DHX15: variants seen among roughly 807,000 people sequenced by gnomAD.
The protein encoded by DHX15 is ATP-dependent RNA helicase DHX15.
Under a neutral mutation model 94.4 loss-of-function variants are expected in DHX15, and 11 were observed. That is an observed-to-expected ratio of 0.12 (90% CI 0.07 to 0.19). The LOEUF is 0.19. Among genes scored for constraint, DHX15 ranks in the 10% least tolerant of loss-of-function variants. DHX15 has a pLI of 1.00. For synonymous variants in DHX15, 338 were observed against 329.9 expected, an observed-to-expected ratio of 1.02 and a Z score of -0.27; for missense variants, 304 against 988.5, an observed-to-expected ratio of 0.31 and a Z score of 9.29.
At chr4:24,538,616 C>T (rs1721241397) in intron 10 of DHX15, 1 of 152,122 alleles carries the variant, frequency 6.6e-6, no homozygotes, top group African/African-American at 2.4e-5. Flanking sequence ...TCTTACTTGC[C>T]TCTTATTTCA....
Position 24,537,032 on chromosome 4 carries a change from C to T in DHX15, c.1909+19G>A. On this transcript the variant is annotated intron_variant, in intron 11 of 13. Coordinates refer to ENST00000336812, the MANE Select transcript of DHX15 (RefSeq NM_001358.3). This position sits in a 1 kb window ranked among gnomAD's most constrained non-coding sequence, Gnocchi z 4.7. ...AGTGACATTTAGACAAGAGTGTCTCCAATCAAATTTACACTTACTTTGTTT... is the reference window on the plus strand; with the variant it reads ...AGTGACATTTAGACAAGAGTGTCTCTAATCAAATTTACACTTACTTTGTTT... 6.2e-7 allele frequency: 1 copy of T among 1,609,176 alleles called. No individual in the cohort carries two copies. Among genetic ancestry groups the T allele is most frequent in the African/African-American group, 1.3e-5 (1 of 74,868 alleles).
At chr4:24,550,923 G>GTAATGTGTTGTGCTGTGATGCTGCTGTAA (rs1721588536) in intron 5 of DHX15, among the ~76,000 whole-genome samples, 2 of 152,220 alleles carry the variant, frequency 1.3e-5, no homozygotes, top group South Asian at 2.1e-4. Context: ...TCACAAAGCA[G>GTAATGTGTTGTGCTGTGATGCTGCTGTAA]TGAGTAATGT....
intron 7 of DHX15, among the ~76,000 whole-genome samples, chr4:24,542,734 A>AG (rs1383861329): frequency 6.6e-6 from 1 of 152,150 alleles, no homozygotes. Context: ...CAACTCTAAA[A>AG]GAAAAAAAAG....
At chr4:24,569,310 C>T (rs555037422) in intron 3 of DHX15, among the ~76,000 whole-genome samples, 44 of 152,132 alleles carry the variant, frequency 2.9e-4, no homozygotes, top group African/African-American at 9.4e-4. Context: ...TCAATTTCTG[C>T]GGCTGGGTGT....
Position 24,551,511 on chromosome 4 carries a change from G to A in DHX15, c.1081-2489C>T, listed in dbSNP as rs533258095. Among the ~76,000 whole-genome samples the A allele has an allele frequency of 3.9e-5, 6 of 151,946 alleles. No homozygotes were observed. In the South Asian group the frequency reaches 1.0e-3, roughly 26 times the overall value. On this transcript the variant is annotated intron_variant, in intron 5 of 13. Transcript: ENST00000336812. Reference sequence around the variant, plus strand: ...TATCTGTCTCAAAAATTGTGACACAGAAAACTATTAAAGATTCAATGTTAC... The same window carrying A: ...TATCTGTCTCAAAAATTGTGACACAAAAAACTATTAAAGATTCAATGTTAC...
chr4:24,579,804 T>A (rs1300488620), intron 1 of DHX15, among the ~76,000 whole-genome samples: 1 of 152,226 alleles, frequency 6.6e-6, no homozygotes, highest in Non-Finnish European at 1.5e-5. Flanking sequence ...TCTTGCTCTG[T>A]CACCAGGCTG....
At chr4:24,531,213 C>A (rs548632716) in intron 12 of DHX15, among the ~76,000 whole-genome samples, 1 of 151,976 alleles carries the variant, frequency 6.6e-6, no homozygotes, top group African/African-American at 2.4e-5. Context: ...CTCAGCCTCC[C>A]GAGTAGCTGG....
intron 6 of DHX15, among the ~76,000 whole-genome samples, chr4:24,544,093 A>G (rs1721374066): frequency 6.6e-6 from 1 of 152,184 alleles, no homozygotes; most frequent in African/African-American, 2.4e-5. Flanking sequence ...CTCATGAGAG[A>G]AGGAAACAGC....
rs147765290 is a variant in DHX15 at position 24,570,246 on chromosome 4, T to C, written c.701+408A>G. Reference sequence around the variant, plus strand: ...CACGGTAATAGCTGCATAATTAACATTAAAAGTCCCCTCTCCCCTAAATAA... The same window carrying C: ...CACGGTAATAGCTGCATAATTAACACTAAAAGTCCCCTCTCCCCTAAATAA... On this transcript the variant is annotated intron_variant, in intron 3 of 13. Transcript: ENST00000336812. Among the ~76,000 whole-genome samples the C allele has an allele frequency of 5.9e-4, 90 of 152,282 alleles. 1 individual carries two copies. Among genetic ancestry groups the C allele is most frequent in the African/African-American group, 1.9e-3 (78 of 41,552 alleles).
intron 11 of DHX15, among the ~76,000 whole-genome samples, 193 bp downstream of exon 11, chr4:24,536,858 G>A (rs1037656980): frequency 2.0e-5 from 3 of 151,870 alleles, no homozygotes; most frequent in African/African-American, 7.3e-5. Context: ...TTTATCCCCT[G>A]ATTATAAACA....
intron 6 of DHX15, among the ~76,000 whole-genome samples, chr4:24,544,100 C>G (rs950642064): frequency 6.6e-6 from 1 of 152,034 alleles, no homozygotes; most frequent in African/African-American, 2.4e-5. Context: ...GAGAAGGAAA[C>G]AGCACTAGCA....
intron 9 of DHX15, 81 bp from the exon 10 acceptor site, chr4:24,540,380 C>CTCATTTT (rs1721284431): frequency 8.1e-7 from 1 of 1,239,654 alleles, no homozygotes; most frequent in Admixed American, 2.5e-5. Context: ...TATAAGCAAT[C>CTCATTTT]TCATTTTTCA....
At chr4:24,572,464 C>T (rs939167274) in intron 2 of DHX15, among the ~76,000 whole-genome samples, 4 of 152,032 alleles carry the variant, frequency 2.6e-5, no homozygotes, top group African/African-American at 9.7e-5. Flanking sequence ...TAATTCACTC[C>T]GCTAAAATCA....
chr4:24,563,381 C>T (rs1001290178), intron 3 of DHX15: 3 of 152,196 alleles, frequency 2.0e-5, no homozygotes, highest in South Asian at 4.1e-4. Context: ...CACTACATCC[C>T]GGAACTCTTG....
intron 11 of DHX15, among the ~76,000 whole-genome samples, chr4:24,535,766 C>T (rs1157121898): frequency 6.6e-6 from 1 of 152,106 alleles, no homozygotes; most frequent in Non-Finnish European, 1.5e-5. Flanking sequence ...TTCTGGACCC[C>T]AAGACAAATA....
chr4:24,563,043 A>G (rs1423537589), intron 3 of DHX15: 1 of 152,118 alleles, frequency 6.6e-6, no homozygotes, highest in African/African-American at 2.4e-5. Flanking sequence ...TAATGTTAAC[A>G]ATAAATGAAC....
chr4:24,544,535 ACT>A (rs1227262033), intron 6 of DHX15, among the ~76,000 whole-genome samples: 1 of 152,234 alleles, frequency 6.6e-6, no homozygotes, highest in Admixed American at 6.5e-5. Context: ...ATAATCAGCA[ACT>A]AGAACTGAAG....
At position 24,537,008 on chromosome 4, in the gene DHX15, G is replaced by A. The variant is rs1361811222; in HGVS notation, c.1909+43C>T. On this transcript the variant is annotated intron_variant, in intron 11 of 13. Transcript: ENST00000336812. The surrounding 1 kb of genome is among the most constrained non-coding windows in gnomAD (Gnocchi z 4.7). ...CAAAGAAACATCTTATACACTGCAA[G>A]TGACATTTAGACAAGAGTGTCTCCA... 5.0e-6 allele frequency: 8 copies of A among 1,594,206 alleles called. No homozygotes were observed. Among genetic ancestry groups the A allele is most frequent in the Non-Finnish European group, 6.8e-6 (8 of 1,169,230 alleles).
chr4:24,549,167 A>T (rs1045669600), intron 5 of DHX15, 145 bp from the exon 6 acceptor site: 1 of 601,674 alleles, frequency 1.7e-6, no homozygotes, highest in East Asian at 3.0e-5. Context: ...ACCAAAACTA[A>T]TTTAGCAAAT....
Sources: allele counts gnomAD v4.1 joint callset (sites outside exome capture counted in the v4.1 genomes callset), GRCh38; gene constraint gnomAD v4.1.1; non-coding constraint Gnocchi (gnomAD v3.1); transcripts MANE v1.5; gene names NCBI Gene and HGNC (gene_info 2026-07-23, HGNC 2026-07-21).